Variants in ZBTB7C observed in about 807,000 individuals in gnomAD.
ZBTB7C encodes zinc finger and BTB domain containing 7C.
In ZBTB7C, 8 loss-of-function variants were observed where a neutral mutation model predicts 25.7. That is an observed-to-expected ratio of 0.31 (90% CI 0.18 to 0.56). ZBTB7C has a LOEUF of 0.56. Ranked by LOEUF, ZBTB7C falls within the 20% of genes least tolerant of loss-of-function variation. ZBTB7C has a pLI of 0.91. For missense variants in ZBTB7C, 824 were observed against 855.2 expected (o/e 0.96, Z 0.46); for synonymous variants, 394 against 369.0 (o/e 1.07, Z -0.78).
chr18:48,047,409 G>A (rs1188782284), intron 3 of ZBTB7C, among the ~76,000 whole-genome samples: 1 of 152,052 alleles, frequency 6.6e-6, no homozygotes, highest in Admixed American at 6.5e-5. Context: ...GGCTTGATGT[G>A]AAGTATGAAC....
chr18:48,229,081 C>T (rs1359374826), intron 2 of ZBTB7C, among the ~76,000 whole-genome samples: 1 of 152,086 alleles, frequency 6.6e-6, no homozygotes, highest in Non-Finnish European at 1.5e-5. Context: ...AGATCCCAGT[C>T]AAAACAGCAT....
At chr18:48,367,187 A>ATATATATATATATATATATATT (rs2047245464) in intron 1 of ZBTB7C, among the ~76,000 whole-genome samples, 1 of 25,114 alleles carries the variant, frequency 4.0e-5, no homozygotes, top group South Asian at 3.3e-3. Context: ...ATATATATAT[A>ATATATATATATATATATATATT]TATATATATA....
At chr18:48,205,913 C>T (rs2042566544) in intron 2 of ZBTB7C, among the ~76,000 whole-genome samples, 1 of 152,130 alleles carries the variant, frequency 6.6e-6, no homozygotes, top group Non-Finnish European at 1.5e-5. Flanking sequence ...TGCTCACTGT[C>T]CCTTGCCACA....
At chr18:48,177,487 T>G (rs1246793911) in intron 3 of ZBTB7C, among the ~76,000 whole-genome samples, 1 of 152,150 alleles carries the variant, frequency 6.6e-6, no homozygotes, top group Non-Finnish European at 1.5e-5. Context: ...AGGGAAACAT[T>G]TTGTGACAGT....
At chr18:48,243,564 G>A (rs1252813402) in intron 2 of ZBTB7C, among the ~76,000 whole-genome samples, 1 of 152,102 alleles carries the variant, frequency 6.6e-6, no homozygotes, top group Non-Finnish European at 1.5e-5. Context: ...ACTCATGGAT[G>A]GGTAGAATCA....
At chr18:48,324,509 T>C (rs886432404) in intron 2 of ZBTB7C, among the ~76,000 whole-genome samples, 1 of 151,902 alleles carries the variant, frequency 6.6e-6, no homozygotes, top group African/African-American at 2.4e-5. Flanking sequence ...AATGTGTGGA[T>C]ACCCCAAAAA....
intron 2 of ZBTB7C, among the ~76,000 whole-genome samples, chr18:48,201,481 C>T (rs1224080345): frequency 1.3e-5 from 2 of 152,132 alleles, no homozygotes; most frequent in Non-Finnish European, 2.9e-5. Flanking sequence ...GTCCCTGTCC[C>T]ATGCTCTGAC....
chr18:48,326,597 C>CAA (rs11367556), intron 2 of ZBTB7C, among the ~76,000 whole-genome samples: 23 of 148,846 alleles, frequency 1.5e-4, no homozygotes, highest in Non-Finnish European at 2.8e-4. Context: ...ACAGAGCAAT[C>CAA]AAAAAAAAAA....
intron 3 of ZBTB7C, among the ~76,000 whole-genome samples, chr18:48,142,007 C>G (rs1353886221): frequency 1.3e-5 from 2 of 152,222 alleles, no homozygotes. Flanking sequence ...TGAGAACAGA[C>G]AGGGAGCCAC....
chr18:48,335,230 T>A (rs2046434263), intron 2 of ZBTB7C, among the ~76,000 whole-genome samples: 1 of 152,218 alleles, frequency 6.6e-6, no homozygotes. Context: ...TCTGCCAAAC[T>A]TAGCCAATAG....
intron 2 of ZBTB7C, among the ~76,000 whole-genome samples, chr18:48,307,996 T>C (rs759695177): frequency 1.3e-5 from 2 of 152,214 alleles, no homozygotes; most frequent in Admixed American, 6.5e-5. Context: ...CAACAATTAA[T>C]GCTTTTAAAA....
chr18:48,089,137 T>C (rs2038308674), intron 3 of ZBTB7C, among the ~76,000 whole-genome samples: 1 of 152,160 alleles, frequency 6.6e-6, no homozygotes, highest in Non-Finnish European at 1.5e-5. Flanking sequence ...GAATTGCTGA[T>C]TGAGTGAGGC....
intron 3 of ZBTB7C, among the ~76,000 whole-genome samples, chr18:48,089,160 A>G (rs979530944): frequency 5.9e-5 from 9 of 152,122 alleles, no homozygotes; most frequent in Admixed American, 2.0e-4. Flanking sequence ...CCTGCTCCCA[A>G]CCATGGACTT....
intron 2 of ZBTB7C, among the ~76,000 whole-genome samples, chr18:48,259,152 G>A (rs1413211374): frequency 1.3e-5 from 2 of 151,930 alleles, no homozygotes; most frequent in Non-Finnish European, 2.9e-5. Context: ...GTTTCACCAT[G>A]TTGCCCAGGC....
chr18:48,187,686 G>T (rs1039099712), intron 2 of ZBTB7C, among the ~76,000 whole-genome samples: 3 of 151,872 alleles, frequency 2.0e-5, no homozygotes, highest in African/African-American at 7.3e-5. Flanking sequence ...TCGGGTGTGG[G>T]GGCCGGTGCC....
At chr18:48,190,079 C>A (rs2042157037) in intron 2 of ZBTB7C, among the ~76,000 whole-genome samples, 1 of 152,192 alleles carries the variant, frequency 6.6e-6, no homozygotes, top group South Asian at 2.1e-4. Context: ...ACATCCTTTT[C>A]TCTCCCTATC....
chr18:48,403,243 G>A (rs1236301190), intron 1 of ZBTB7C, among the ~76,000 whole-genome samples: 4 of 152,198 alleles, frequency 2.6e-5, no homozygotes. Flanking sequence ...CAGTCCTGGA[G>A]GTGAGTCAGC....
intron 3 of ZBTB7C, among the ~76,000 whole-genome samples, chr18:48,160,257 CA>C (rs1568266468): frequency 6.6e-6 from 1 of 152,226 alleles, no homozygotes; most frequent in Non-Finnish European, 1.5e-5. Flanking sequence ...TCACTTCTTC[CA>C]AAAGATGCAT....
At chr18:48,086,861 ACT>A (rs2144521634) in intron 3 of ZBTB7C, among the ~76,000 whole-genome samples, 1 of 152,234 alleles carries the variant, frequency 6.6e-6, no homozygotes, top group South Asian at 2.1e-4. Context: ...ATTTAATCGA[ACT>A]CTGTGCTGGA....
Sources: gnomAD v4.1 joint callset for allele counts (sites outside exome capture counted in the v4.1 genomes callset) on GRCh38, gnomAD v4.1.1 for gene constraint, MANE v1.5 for transcripts, NCBI Gene and HGNC (gene_info 2026-07-23, HGNC 2026-07-21) for gene names.